TAS2R1: variants seen among roughly 807,000 people sequenced by gnomAD.
TAS2R1 encodes the protein taste 2 receptor member 1.
For synonymous variants in TAS2R1, 141 were observed against 134.2 expected (o/e 1.05, Z -0.35); for missense variants, 370 against 353.4 (o/e 1.05, Z -0.38).
the TAS2R1 span, among the ~76,000 whole-genome samples, chr5:9,851,674 G>T: frequency 6.6e-6 from 1 of 152,124 alleles, no homozygotes; most frequent in Non-Finnish European, 1.5e-5. Flanking sequence ...ACAGATCATC[G>T]TCTGGCAAAG....
At chr5:9,759,278 T>A in the TAS2R1 span, among the ~76,000 whole-genome samples, 1 of 152,186 alleles carries the variant, frequency 6.6e-6, no homozygotes, top group African/African-American at 2.4e-5. Context: ...TCTCTCCCAC[T>A]GACACTGACC....
intron 1 of TAS2R1, among the ~76,000 whole-genome samples, chr5:9,663,028 A>G (rs1431691909): frequency 1.3e-5 from 2 of 152,198 alleles, no homozygotes; most frequent in Admixed American, 1.3e-4. Flanking sequence ...TTCTGGTTGT[A>G]CTTTCATCCA....
intron 2 of TAS2R1, chr5:9,658,691 T>C (rs1740465572): frequency 6.6e-6 from 1 of 152,202 alleles, no homozygotes; most frequent in Non-Finnish European, 1.5e-5. Context: ...TGACTTGCTA[T>C]TGATATGCTC....
the TAS2R1 span, among the ~76,000 whole-genome samples, chr5:9,792,082 A>C: frequency 2.0e-5 from 3 of 152,228 alleles, no homozygotes; most frequent in African/African-American, 7.2e-5. Flanking sequence ...TGTCATGTCT[A>C]ATACACATTC....
chr5:9,776,472 T>A, the TAS2R1 span, among the ~76,000 whole-genome samples: 1 of 152,184 alleles, frequency 6.6e-6, no homozygotes, highest in Non-Finnish European at 1.5e-5. Flanking sequence ...GTTGTTTCTA[T>A]CCAGAGTAAT....
the TAS2R1 span, among the ~76,000 whole-genome samples, chr5:9,881,042 C>T: frequency 5.3e-5 from 8 of 152,122 alleles, no homozygotes; most frequent in African/African-American, 1.4e-4. Context: ...GTCTTTCCCA[C>T]TGCTGGCTCT....
chr5:9,658,076 G>A (rs1298391017), intron 2 of TAS2R1, among the ~76,000 whole-genome samples: 1 of 152,072 alleles, frequency 6.6e-6, no homozygotes, highest in Non-Finnish European at 1.5e-5. Context: ...CTGAGCTCTA[G>A]GCACATCAGA....
At chr5:9,692,489 G>T (rs1160032602) in intron 1 of TAS2R1, among the ~76,000 whole-genome samples, 1 of 152,184 alleles carries the variant, frequency 6.6e-6, no homozygotes, top group Non-Finnish European at 1.5e-5. Flanking sequence ...CCATCAAAAA[G>T]CTGTACACCT....
chr5:9,829,670 C>T, the TAS2R1 span, among the ~76,000 whole-genome samples: 1 of 152,174 alleles, frequency 6.6e-6, no homozygotes, highest in African/African-American at 2.4e-5. Flanking sequence ...CTGCTAAACC[C>T]CAGCTGAGGG....
the TAS2R1 span, among the ~76,000 whole-genome samples, chr5:9,757,045 C>G: frequency 5.3e-5 from 8 of 152,242 alleles, no homozygotes; most frequent in South Asian, 2.1e-4. Context: ...GCTCCCCAGA[C>G]AGATTTCAGA....
At chr5:9,698,406 A>ACAT (rs2126523296) in intron 1 of TAS2R1, among the ~76,000 whole-genome samples, 1 of 152,334 alleles carries the variant, frequency 6.6e-6, no homozygotes, top group South Asian at 2.1e-4. Flanking sequence ...AACTCGCGTG[A>ACAT]CATTCTCAAA....
chr5:9,718,050 C>T, the TAS2R1 span, among the ~76,000 whole-genome samples: 62 of 152,214 alleles, frequency 4.1e-4, no homozygotes, highest in Non-Finnish European at 7.8e-4. Context: ...ACCTCTGCCT[C>T]CCGGGTTCAA....
At chr5:9,737,009 G>A in the TAS2R1 span, among the ~76,000 whole-genome samples, 1 of 152,144 alleles carries the variant, frequency 6.6e-6, no homozygotes, top group Non-Finnish European at 1.5e-5. Context: ...TTGAGACTTA[G>A]GCTGAATTTA....
chr5:9,693,694 T>C, intron 1 of TAS2R1, among the ~76,000 whole-genome samples: 1 of 152,052 alleles, frequency 6.6e-6, no homozygotes, highest in Middle Eastern at 3.4e-3. Flanking sequence ...ATTATCTGTA[T>C]CCCTTGTCCA....
At chr5:9,680,194 G>A (rs1410853955) in intron 1 of TAS2R1, among the ~76,000 whole-genome samples, 2 of 152,054 alleles carry the variant, frequency 1.3e-5, no homozygotes, top group East Asian at 3.9e-4. Context: ...AAATATTACT[G>A]GACTATAACC....
At chr5:9,814,676 A>G in the TAS2R1 span, among the ~76,000 whole-genome samples, 1 of 152,152 alleles carries the variant, frequency 6.6e-6, no homozygotes, top group Admixed American at 6.5e-5. Flanking sequence ...CTTCTCTATG[A>G]CCCAATTTAC....
the TAS2R1 span, among the ~76,000 whole-genome samples, chr5:9,735,165 A>C: frequency 6.6e-6 from 1 of 151,316 alleles, no homozygotes; most frequent in African/African-American, 2.5e-5. Flanking sequence ...CTATCATGAG[A>C]ACTGGAAGGC....
At chr5:9,717,959 T>G in the TAS2R1 span, among the ~76,000 whole-genome samples, 1 of 152,102 alleles carries the variant, frequency 6.6e-6, no homozygotes, top group African/African-American at 2.4e-5. Flanking sequence ...GTAAATTTCT[T>G]TTTATTTTAT....
At chr5:9,678,095 AC>A (rs1453695114) in intron 1 of TAS2R1, among the ~76,000 whole-genome samples, 4 of 152,270 alleles carry the variant, frequency 2.6e-5, no homozygotes, top group African/African-American at 7.2e-5. Flanking sequence ...AAAAAGACAA[AC>A]AACCCCATTA....
Sources: allele counts gnomAD v4.1 joint callset (sites outside exome capture counted in the v4.1 genomes callset), GRCh38; gene constraint gnomAD v4.1.1; transcripts MANE v1.5; gene names NCBI Gene and HGNC (gene_info 2026-07-23, HGNC 2026-07-21).